Variants in SEMA4D observed in about 807,000 individuals in gnomAD.
SEMA4D encodes semaphorin-4D.
Under a neutral mutation model 74.8 loss-of-function variants are expected in SEMA4D, and 22 were observed. That is an observed-to-expected ratio of 0.29 (90% CI 0.21 to 0.42). SEMA4D has a LOEUF of 0.42. Among genes scored for constraint, SEMA4D ranks in the 10% least tolerant of loss-of-function variants. SEMA4D has a pLI of 1.00. For synonymous variants in SEMA4D, 445 were observed against 463.7 expected (o/e 0.96, Z 0.52); for missense variants, 937 against 1,118.4 (o/e 0.84, Z 2.31).
At chr9:89,372,136 G>GTGTGGTGTGTGGGGTGTGTGTGTT (rs1835103251) in intron 16 of SEMA4D, among the ~76,000 whole-genome samples, 1 of 35,862 alleles carries the variant, frequency 2.8e-5, no homozygotes, top group Non-Finnish European at 5.8e-5. Flanking sequence ...TGTGTGTTGG[G>GTGTGGTGTGTGGGGTGTGTGTGTT]GGGCGTGGTG....
intron 1 of SEMA4D, among the ~76,000 whole-genome samples, chr9:89,459,601 C>T (rs1402907504): frequency 6.6e-6 from 1 of 152,156 alleles, no homozygotes; most frequent in Non-Finnish European, 1.5e-5. Context: ...CCCCTGCAGA[C>T]CCAGAGCCTC....
rs763548967 is a variant in SEMA4D, at chr9:89,402,854, G to A, written c.252+17C>T. On this transcript the variant is annotated intron_variant, in intron 4 of 15. Coordinates refer to ENST00000422704, the MANE Select transcript of SEMA4D (RefSeq NM_001371194.2). ...CAAGCTGGGCTATGTGGACATGCAG[G>A]GGAGCCCAGGACGTACCTCATGCTG... 1.9e-6 allele frequency: 3 copies of A among 1,608,288 alleles called. No individual in the cohort carries two copies. The highest frequency in any genetic ancestry group is 1.7e-5 in the Admixed American group (1 of 59,908).
Position 89,455,892 on chromosome 9 carries a change from C to T in SEMA4D, c.-248G>A, listed in dbSNP as rs2135539272. 1 of 152,374 alleles carries T rather than the reference C, an allele frequency of 6.6e-6. No homozygotes were observed. The highest frequency in any genetic ancestry group is 2.4e-5 in the African/African-American group (1 of 41,586). 9.4% of individuals were successfully genotyped at this position (152,374 alleles called of 1,614,324 possible). A position where few individuals can be genotyped will look rare whatever the true frequency, so the allele number is the denominator to read the frequency against. On this transcript the variant is annotated 5_prime_UTR_variant, in exon 2 of 16. Transcript: ENST00000422704. ...CGCCGAGACGCCGACACTTACCAAACCATCAGTGTCGTCAAACATTTCAGC... is the reference window on the plus strand; with the variant it reads ...CGCCGAGACGCCGACACTTACCAAATCATCAGTGTCGTCAAACATTTCAGC...
At chr9:89,446,945 A>G (rs961964071) in intron 2 of SEMA4D, among the ~76,000 whole-genome samples, 4 of 152,106 alleles carry the variant, frequency 2.6e-5, no homozygotes, top group African/African-American at 4.8e-5. Flanking sequence ...ACTGCAGGAG[A>G]TAAGAGGAGA....
downstream of SEMA4D, chr9:89,377,203 C>A: frequency 8.5e-7 from 1 of 1,170,746 alleles, no homozygotes; most frequent in Non-Finnish European, 1.1e-6. Context: ...CGGGAGGCTG[C>A]ACAGCCTCCG....
intron 16 of SEMA4D, chr9:89,369,657 G>A (rs181965507): frequency 3.3e-5 from 5 of 152,370 alleles, no homozygotes; most frequent in Admixed American, 1.3e-4. Flanking sequence ...CACGGGTGGT[G>A]GGGTTATTTT....
chr9:89,462,526 CA>C (rs1427028806), intron 1 of SEMA4D, among the ~76,000 whole-genome samples: 1 of 152,100 alleles, frequency 6.6e-6, no homozygotes, highest in Non-Finnish European at 1.5e-5. Flanking sequence ...GTTTTCTGTA[CA>C]AAATAGGTGG....
At chr9:89,454,070 G>A (rs192283507) in intron 2 of SEMA4D, among the ~76,000 whole-genome samples, 5 of 152,216 alleles carry the variant, frequency 3.3e-5, no homozygotes, top group Admixed American at 6.5e-5. Context: ...CGTTAGCCAG[G>A]ATGGTCTCGA....
chr9:89,411,209 G>A (rs1844462519), intron 2 of SEMA4D, among the ~76,000 whole-genome samples: 1 of 152,212 alleles, frequency 6.6e-6, no homozygotes, highest in South Asian at 2.1e-4. Context: ...CTCTGGCAAA[G>A]AGTCTGAAGA....
chr9:89,409,053 T>C (rs1306260616), intron 2 of SEMA4D, among the ~76,000 whole-genome samples: 1 of 152,010 alleles, frequency 6.6e-6, no homozygotes, highest in Non-Finnish European at 1.5e-5. Flanking sequence ...GGCGAGTGGG[T>C]ATACAAACCG....
chr9:89,389,698 C>A lies in SEMA4D; in HGVS notation c.775-651G>T, dbSNP rs377474331. Among the ~76,000 whole-genome samples, 18 of 152,286 alleles carry A rather than the reference C, an allele frequency of 1.2e-4. 1 individual carries two copies. The highest frequency in any genetic ancestry group is 9.6e-4 in the East Asian group (5 of 5,192). On this transcript the variant is annotated intron_variant, in intron 9 of 15. Transcript: ENST00000422704. ...GAGAGAAATACTGAAACCACAAAACCTGAGTGCAGAAGAATATGAAATAGA... is the reference window on the plus strand; with the variant it reads ...GAGAGAAATACTGAAACCACAAAACATGAGTGCAGAAGAATATGAAATAGA...
At chr9:89,419,874 G>GCC (rs908461496) in intron 2 of SEMA4D, among the ~76,000 whole-genome samples, 2 of 152,048 alleles carry the variant, frequency 1.3e-5, no homozygotes, top group African/African-American at 4.8e-5. Context: ...CCAAGATCGC[G>GCC]CCATTGCACT....
At chr9:89,460,878 C>T (rs1363403752) in intron 1 of SEMA4D, among the ~76,000 whole-genome samples, 3 of 152,216 alleles carry the variant, frequency 2.0e-5, no homozygotes, top group Non-Finnish European at 4.4e-5. Flanking sequence ...CTGAAAATGA[C>T]ACCTAGCCTC....
chr9:89,398,639 A>G (rs1564622698), intron 5 of SEMA4D, among the ~76,000 whole-genome samples: 1 of 152,202 alleles, frequency 6.6e-6, no homozygotes, highest in Non-Finnish European at 1.5e-5. Context: ...ACCACTGTCC[A>G]TGGAGAACAG....
Position 89,381,156 on chromosome 9 carries a change from G to A in SEMA4D, c.1619+18C>T. ...CACACATGGGGGACATCCCCAGGCAGCGCATCCCGCCCCATACCTGCTGGG... is the reference window on the plus strand; with the variant it reads ...CACACATGGGGGACATCCCCAGGCAACGCATCCCGCCCCATACCTGCTGGG... On this transcript the variant is annotated intron_variant, in intron 14 of 15. Transcript: ENST00000422704. This position sits in a 1 kb window ranked among gnomAD's most constrained non-coding sequence, Gnocchi z 4.6. 1 of 1,614,128 alleles carries A rather than the reference G, an allele frequency of 6.2e-7. No individual in the cohort carries two copies. The highest frequency in any genetic ancestry group is 8.5e-7 in the Non-Finnish European group (1 of 1,180,024).
chr9:89,411,481 T>C lies in SEMA4D; in HGVS notation c.-243-5782A>G, dbSNP rs536022535. Among the ~76,000 whole-genome samples the C allele has an allele frequency of 3.2e-3, 489 of 152,266 alleles. 4 individuals are homozygous for C. Among genetic ancestry groups the C allele is most frequent in the African/African-American group, 0.011 (459 of 41,540 alleles). ...GGGAAAGTCAGGAAATGTAGGCATATCTAATTTGAAGGAAAATACCAAAAT... is the reference window on the plus strand; with the variant it reads ...GGGAAAGTCAGGAAATGTAGGCATACCTAATTTGAAGGAAAATACCAAAAT... On this transcript the variant is annotated intron_variant, in intron 2 of 15. Transcript: ENST00000422704.
intron 9 of SEMA4D, among the ~76,000 whole-genome samples, chr9:89,390,261 C>T (rs1247576935): frequency 6.6e-6 from 1 of 152,218 alleles, no homozygotes. Flanking sequence ...TCTGGCCCTG[C>T]AGCACCCTCC....
intron 1 of SEMA4D, among the ~76,000 whole-genome samples, chr9:89,487,716 A>G (rs889387259): frequency 5.3e-5 from 8 of 152,216 alleles, no homozygotes; most frequent in Non-Finnish European, 1.0e-4. Flanking sequence ...GTATTTCTAT[A>G]TATCGCAATT....
At chr9:89,430,308 CCACA>C (rs2134589907) in intron 2 of SEMA4D, among the ~76,000 whole-genome samples, 1 of 152,320 alleles carries the variant, frequency 6.6e-6, no homozygotes, top group South Asian at 2.1e-4. Flanking sequence ...AGCTCCCCAA[CCACA>C]TACACACTGT....
Sources: allele counts gnomAD v4.1 joint callset (sites outside exome capture counted in the v4.1 genomes callset), GRCh38; gene constraint gnomAD v4.1.1; non-coding constraint Gnocchi (gnomAD v3.1); transcripts MANE v1.5; gene names NCBI Gene and HGNC (gene_info 2026-07-23, HGNC 2026-07-21).